EYA3: variants seen among roughly 807,000 people sequenced by gnomAD.
The protein encoded by EYA3 is EYA transcriptional coactivator and phosphatase 3.
Under a neutral mutation model 80.0 loss-of-function variants are expected in EYA3, and 39 were observed. The observed-to-expected ratio is 0.49, with a 90% CI of 0.38 to 0.64. The LOEUF (loss-of-function observed/expected upper bound fraction) is 0.64, where lower values mean the gene tolerates loss of function less well. Ranked by LOEUF, EYA3 falls within the 30% of genes least tolerant of loss-of-function variation. The pLI is 0.00. For synonymous variants in EYA3, 206 were observed against 232.8 expected (o/e 0.88, Z 1.05); for missense variants, 523 against 676.1 (o/e 0.77, Z 2.51).
intron 5 of EYA3, among the ~76,000 whole-genome samples, chr1:28,036,411 A>G (rs996837640): frequency 1.3e-5 from 2 of 152,200 alleles, no homozygotes; most frequent in Non-Finnish European, 2.9e-5. Flanking sequence ...CCTTGAACCA[A>G]ACTAAAGTTC....
intron 7 of EYA3, among the ~76,000 whole-genome samples, chr1:28,025,847 G>C (rs1642749413): frequency 6.6e-6 from 1 of 152,062 alleles, no homozygotes; most frequent in African/African-American, 2.4e-5. Context: ...TGCAACCTCC[G>C]CCTCACAGGT....
chr1:28,069,640 G>C (rs1644954235), intron 1 of EYA3, among the ~76,000 whole-genome samples: 1 of 148,338 alleles, frequency 6.7e-6, no homozygotes, highest in Non-Finnish European at 1.5e-5. Context: ...GGAAGGAAGG[G>C]AAAGAGGGGG....
At chr1:28,055,388 T>C (rs374672244) in intron 2 of EYA3, among the ~76,000 whole-genome samples, 27 of 152,046 alleles carry the variant, frequency 1.8e-4, no homozygotes, top group African/African-American at 5.3e-4. Context: ...CAGTTGAAGA[T>C]TGATAAGCAA....
At chr1:27,983,758 C>T (rs1427300108) in intron 16 of EYA3, among the ~76,000 whole-genome samples, 9 of 152,282 alleles carry the variant, frequency 5.9e-5, no homozygotes, top group African/African-American at 9.6e-5. Flanking sequence ...CCCACTCAAG[C>T]GATTCTCCTG....
chr1:27,989,508 C>A (rs1354852718), intron 15 of EYA3, among the ~76,000 whole-genome samples, 189 bp downstream of exon 15: 1 of 152,176 alleles, frequency 6.6e-6, no homozygotes, highest in Non-Finnish European at 1.5e-5. Flanking sequence ...TAAATATTCT[C>A]TTAAAACTAG....
Position 27,989,794 on chromosome 1 carries a change from T to C in EYA3, c.1321A>G (p.Arg441Gly), listed in dbSNP as rs1175606718. 1 of 1,609,634 alleles carries C rather than the reference T, an allele frequency of 6.2e-7. No individual in the cohort carries two copies. Among genetic ancestry groups the C allele is most frequent in the Non-Finnish European group, 8.5e-7 (1 of 1,177,478 alleles). ...SNVGGLLSPQ[R>G]KEALQRLRAE... Reference sequence around the variant, plus strand: ...CTTAATCTCTGCAGTGCTTCCTTCCTCTGGGGACTGAGGAGACCTTTAGGA... The same window carrying C: ...CTTAATCTCTGCAGTGCTTCCTTCCCCTGGGGACTGAGGAGACCTTTAGGA... The change falls in exon 15 of 18, where the codon AGG (arginine) becomes GGG (glycine). Residue 441 changes from arginine to glycine, a missense_variant. Arg to Gly is a moderately radical substitution (Grantham distance 125, BLOSUM62 -2). Around this residue, in one of 2 missense-constraint regions of EYA3, gnomAD observed 219 missense variants for 332.8 expected, o/e 0.66. Coordinates refer to ENST00000373871, the MANE Select transcript of EYA3 (RefSeq NM_001990.4).
intron 15 of EYA3, among the ~76,000 whole-genome samples, 178 bp from the exon 16 acceptor site, chr1:27,988,834 T>C (rs577829390): frequency 3.3e-5 from 5 of 152,358 alleles, no homozygotes; most frequent in African/African-American, 1.2e-4. Flanking sequence ...ATTTACTTTC[T>C]ATATTAAAGG....
chr1:27,970,685 T>C lies in EYA3; in HGVS notation c.*3781A>G, dbSNP rs1170706347. On this transcript the variant is annotated 3_prime_UTR_variant, in exon 18 of 18. Transcript: ENST00000373871. Reference sequence around the variant, plus strand: ...ATTTTCTCTCTTGTGGTTTAAGATATTTTAGAATCTCGGAATTCAGATCCT... The same window carrying C: ...ATTTTCTCTCTTGTGGTTTAAGATACTTTAGAATCTCGGAATTCAGATCCT... 6.6e-6 allele frequency: 1 copy of C among 152,232 alleles called. No homozygotes were observed. The highest frequency in any genetic ancestry group is 1.5e-5 in the Non-Finnish European group (1 of 68,044). The allele number at this position is 152,232 out of a possible 1,614,324, so 9.4% of individuals were successfully genotyped here. A position where few individuals can be genotyped will look rare whatever the true frequency, so the allele number is the denominator to read the frequency against.
intron 6 of EYA3, among the ~76,000 whole-genome samples, chr1:28,028,581 T>TC (rs1491523641): frequency 1.5e-5 from 2 of 135,420 alleles, no homozygotes; most frequent in East Asian, 2.2e-4. Flanking sequence ...TTCTTCTTCT[T>TC]CTTTTTTTTT....
chr1:28,005,902 C>G (rs185869148), intron 10 of EYA3, among the ~76,000 whole-genome samples: 1 of 151,400 alleles, frequency 6.6e-6, no homozygotes, highest in Admixed American at 6.6e-5. Flanking sequence ...GTCAGGAGTT[C>G]GAGACCAGCC....
At chr1:28,006,620 C>T (rs751095576) in intron 10 of EYA3, among the ~76,000 whole-genome samples, 1 of 152,056 alleles carries the variant, frequency 6.6e-6, no homozygotes, top group Non-Finnish European at 1.5e-5. Flanking sequence ...GCAGGAGAAT[C>T]GCTTGAACCT....
At chr1:28,073,343 G>C (rs1645097506) in intron 1 of EYA3, among the ~76,000 whole-genome samples, 1 of 146,364 alleles carries the variant, frequency 6.8e-6, no homozygotes, top group Admixed American at 6.8e-5. Context: ...TGTCACCCAG[G>C]CAGGAGTGCA....
chr1:28,056,869 C>G (rs1394349200), intron 2 of EYA3, among the ~76,000 whole-genome samples: 4 of 152,206 alleles, frequency 2.6e-5, no homozygotes, highest in Non-Finnish European at 4.4e-5. Flanking sequence ...ATTAAAAACT[C>G]AATGGCATAA....
chr1:28,024,204 A>C (rs1433219089), intron 7 of EYA3, among the ~76,000 whole-genome samples: 1 of 152,132 alleles, frequency 6.6e-6, no homozygotes, highest in Non-Finnish European at 1.5e-5. Context: ...ACGCCACTGC[A>C]CTCCAGCCTG....
chr1:28,085,883 G>A (rs1362015020), intron 1 of EYA3, among the ~76,000 whole-genome samples: 1 of 152,116 alleles, frequency 6.6e-6, no homozygotes, highest in Non-Finnish European at 1.5e-5. Flanking sequence ...TTCATTTAAT[G>A]GCTTCAATGC....
intron 16 of EYA3, among the ~76,000 whole-genome samples, chr1:27,986,211 T>C (rs1639643081): frequency 1.3e-5 from 2 of 151,388 alleles, no homozygotes; most frequent in Admixed American, 1.3e-4. Flanking sequence ...ACTAAAAATA[T>C]AAAATTAGCT....
chr1:27,992,159 G>A (rs1406614017), intron 14 of EYA3, among the ~76,000 whole-genome samples: 1 of 152,134 alleles, frequency 6.6e-6, no homozygotes, highest in Admixed American at 6.6e-5. Context: ...AGGCAGCATA[G>A]TATAGTACAA....
rs181956375 is a variant in EYA3, at chr1:28,040,837, A to G, written c.157+1734T>C. Among the ~76,000 whole-genome samples, 384 of 115,900 alleles carry G rather than the reference A, an allele frequency of 3.3e-3. 1 individual carries two copies. The highest frequency in any genetic ancestry group is 0.011 in the African/African-American group (350 of 31,554). 76.0% of individuals were successfully genotyped at this position (115,900 alleles called of 152,430 possible). A position where few individuals can be genotyped will look rare whatever the true frequency, so the allele number is the denominator to read the frequency against. On this transcript the variant is annotated intron_variant, in intron 4 of 17. Coordinates refer to ENST00000373871, the MANE Select transcript of EYA3 (RefSeq NM_001990.4). ...GGTCCATAACTAGTAAGAGATGTGGAGCCAAGGGCGGAGGGGCAGGGGGGG... is the reference window on the plus strand; with the variant it reads ...GGTCCATAACTAGTAAGAGATGTGGGGCCAAGGGCGGAGGGGCAGGGGGGG...
At chr1:27,997,202 C>T in intron 13 of EYA3, 118 bp downstream of exon 13, 1 of 895,958 alleles carries the variant, frequency 1.1e-6, no homozygotes, top group Non-Finnish European at 1.8e-6. Flanking sequence ...TGTCCTCTAA[C>T]AGGTTGTGAG....
Sources: gnomAD v4.1 joint callset for allele counts (sites outside exome capture counted in the v4.1 genomes callset) on GRCh38, gnomAD v4.1.1 for gene constraint, gnomAD v4.1.1 regional missense constraint, MANE v1.5 for transcripts, NCBI Gene and HGNC (gene_info 2026-07-23, HGNC 2026-07-21) for gene names.